LARP4B: variants seen among roughly 807,000 people sequenced by gnomAD.
The protein encoded by LARP4B is La ribonucleoprotein 4B, also known as la-related protein 4B.
A neutral mutation model predicts 89.8 loss-of-function variants in LARP4B; 12 were observed. The ratio of observed to expected loss-of-function variants is 0.13; its 90% CI spans 0.09 to 0.22. The LOEUF (loss-of-function observed/expected upper bound fraction) is 0.22. Ranked by LOEUF, LARP4B falls within the 10% of genes least tolerant of loss-of-function variation. The probability of loss-of-function intolerance (pLI) is 1.00; values close to 1 mark genes in which losing one functional copy is unlikely to be tolerated. For missense variants in LARP4B, 757 were observed against 947.7 expected (o/e 0.80, Z 2.64); for synonymous variants, 367 against 363.3 (o/e 1.01, Z -0.12).
At chr10:977,138 T>TTTTA in the LARP4B span, among the ~76,000 whole-genome samples, 341 of 152,164 alleles carry the variant, frequency 2.2e-3, 1 homozygote, top group African/African-American at 5.0e-3. Flanking sequence ...GCTGAATTTA[T>TTTTA]TTTATTTATT....
chr10:867,583 GGGTGT>G (rs1344132907), intron 3 of LARP4B, among the ~76,000 whole-genome samples: 2 of 152,094 alleles, frequency 1.3e-5, no homozygotes, highest in Non-Finnish European at 2.9e-5. Context: ...AGCGTCGGCC[GGGTGT>G]GGTGGCTTAT....
At chr10:910,910 T>C (rs914781199) in intron 1 of LARP4B, among the ~76,000 whole-genome samples, 10 of 152,236 alleles carry the variant, frequency 6.6e-5, no homozygotes, top group African/African-American at 1.9e-4. Context: ...CGTACCCTGC[T>C]TGAGCACTCC....
At chr10:932,840 TC>T (rs1191860567), upstream of LARP4B, among the ~76,000 whole-genome samples, 1 of 76,358 alleles carries the variant, frequency 1.3e-5, no homozygotes, top group Non-Finnish European at 2.6e-5. Context: ...AACCAAGGCC[TC>T]GGCTCAGCCC....
chr10:895,488 A>G (rs570132961), intron 1 of LARP4B, among the ~76,000 whole-genome samples: 41 of 152,038 alleles, frequency 2.7e-4, no homozygotes, highest in African/African-American at 9.9e-4. Flanking sequence ...ACATGAAGTC[A>G]GTTCAAGTCC....
At chr10:842,789 G>C (rs1461217156) in intron 7 of LARP4B, 143 bp downstream of exon 7, 28 of 702,038 alleles carry the variant, frequency 4.0e-5, no homozygotes, top group Middle Eastern at 4.0e-4. Context: ...TTGGACCTGG[G>C]CAGAAAGGAA....
intron 15 of LARP4B, 21 bp downstream of exon 15, chr10:817,704 G>A: frequency 1.9e-6 from 3 of 1,605,812 alleles, no homozygotes; most frequent in East Asian, 2.2e-5. Flanking sequence ...GCAACTATTA[G>A]ACATGCAATA....
chr10:936,595 C>T (rs549876553), upstream of LARP4B, among the ~76,000 whole-genome samples: 13 of 152,132 alleles, frequency 8.5e-5, no homozygotes, highest in African/African-American at 2.7e-4. Flanking sequence ...TGGTGGCGGT[C>T]GCCTGTAGTC....
intron 7 of LARP4B, among the ~76,000 whole-genome samples, chr10:836,935 C>T (rs1588885009): frequency 6.6e-6 from 1 of 152,176 alleles, no homozygotes; most frequent in Admixed American, 6.5e-5. Flanking sequence ...ATTTAGATTT[C>T]GCCAGTTTTT....
At chr10:950,255 A>G in the LARP4B span, among the ~76,000 whole-genome samples, 5 of 151,942 alleles carry the variant, frequency 3.3e-5, no homozygotes, top group African/African-American at 1.2e-4. Flanking sequence ...GTGAAGTCCA[A>G]TTTTTCTATT....
upstream of LARP4B, among the ~76,000 whole-genome samples, chr10:932,871 C>T (rs1830692344): frequency 6.7e-6 from 1 of 150,248 alleles, no homozygotes. Context: ...CAACCCCACA[C>T]CTGGGATCAA....
intron 11 of LARP4B, among the ~76,000 whole-genome samples, chr10:828,140 G>A (rs1458554881): frequency 6.6e-6 from 1 of 152,180 alleles, no homozygotes; most frequent in Non-Finnish European, 1.5e-5. Context: ...CATGCCTCAG[G>A]ACAGCTAAGC....
rs1831835029 is a variant in LARP4B at position 813,115 on chromosome 10, A to G, written c.2028T>C (p.Thr676=). The G allele has an allele frequency of 3.1e-6, 5 of 1,613,808 alleles. No individual in the cohort carries two copies. The stretch of plus-strand genomic sequence containing the variant: ...TCTTTTCCTCCTTCCCACAACCAAC[A>G]GTGTTTGGCTTTTGTTCTTTTTGGG... ...LQPQKEQKPN[T]VGCGKEEKKL... is the part of the protein sequence containing the mutation. The change falls in exon 18 of 18, where the codon ACT becomes ACC. Residue 676 remains threonine, a synonymous_variant. Coordinates refer to ENST00000316157, the MANE Select transcript of LARP4B (RefSeq NM_015155.3).
chr10:954,288 C>A, the LARP4B span, among the ~76,000 whole-genome samples: 5 of 152,288 alleles, frequency 3.3e-5, no homozygotes, highest in South Asian at 1.0e-3. The surrounding 1 kb of genome is among the most constrained non-coding windows in gnomAD (Gnocchi z 5.0). Context: ...ACCAGCCCGT[C>A]TTTTATGGTA....
At chr10:916,050 T>C (rs770572590) in intron 1 of LARP4B, among the ~76,000 whole-genome samples, 14 of 152,188 alleles carry the variant, frequency 9.2e-5, no homozygotes, top group Non-Finnish European at 1.3e-4. Flanking sequence ...AATTGGTATG[T>C]TAAAATTGTA....
At chr10:863,079 A>T (rs1834706111) in intron 5 of LARP4B, among the ~76,000 whole-genome samples, 1 of 152,198 alleles carries the variant, frequency 6.6e-6, no homozygotes. Flanking sequence ...AAGACTTGCA[A>T]ATGGGGCCTC....
At chr10:964,268 T>C in the LARP4B span, among the ~76,000 whole-genome samples, 1 of 152,222 alleles carries the variant, frequency 6.6e-6, no homozygotes. Context: ...GGTTTCACCA[T>C]GTTGGCCAGG....
chr10:943,267 C>G, the LARP4B span, among the ~76,000 whole-genome samples: 1 of 152,086 alleles, frequency 6.6e-6, no homozygotes. Context: ...TTTCTGAAAC[C>G]ACAGATGGGC....
At chr10:892,233 G>T (rs190684161) in intron 1 of LARP4B, among the ~76,000 whole-genome samples, 1 of 152,240 alleles carries the variant, frequency 6.6e-6, no homozygotes, top group African/African-American at 2.4e-5. Context: ...AAGCAGAGAG[G>T]ATAAGTCCAA....
At chr10:979,909 T>G in the LARP4B span, among the ~76,000 whole-genome samples, 1 of 152,234 alleles carries the variant, frequency 6.6e-6, no homozygotes, top group Admixed American at 6.5e-5. Context: ...AGGCAGAGCT[T>G]GCAGTAAGCT....
Sources: gnomAD v4.1 joint callset for allele counts (sites outside exome capture counted in the v4.1 genomes callset) on GRCh38, gnomAD v4.1.1 for gene constraint, Gnocchi (gnomAD v3.1) non-coding constraint, MANE v1.5 for transcripts, NCBI Gene and HGNC (gene_info 2026-07-23, HGNC 2026-07-21) for gene names.